Variants in HGFAC observed in about 807,000 individuals in gnomAD.
HGFAC encodes HGF activator.
HGFAC carries 76 observed loss-of-function variants against 70.6 expected under a neutral mutation model. That is an observed-to-expected ratio of 1.08 (90% CI 0.89 to 1.30). The LOEUF (loss-of-function observed/expected upper bound fraction) is 1.30. HGFAC is among the 50% of genes most tolerant of loss of function. HGFAC has a pLI of 0.00. For missense variants in HGFAC, 1,044 were observed against 933.7 expected, an observed-to-expected ratio of 1.12 and a Z score of -1.54; for synonymous variants, 464 against 405.3, an observed-to-expected ratio of 1.14 and a Z score of -1.74.
intron 11 of HGFAC, 127 bp from the exon 12 acceptor site, chr4:3,447,768 C>A: frequency 6.6e-7 from 1 of 1,517,272 alleles, no homozygotes; most frequent in Non-Finnish European, 9.0e-7. Context: ...GACAGGGCAC[C>A]GCTCCCTTCT....
In HGFAC at chr4:3,444,651, G is replaced by C; in HGVS notation, c.759G>C (p.Gly253=). The C allele has an allele frequency of 6.3e-7, 1 of 1,597,784 alleles. No homozygotes were observed. Among genetic ancestry groups the C allele is most frequent in the Non-Finnish European group, 8.5e-7 (1 of 1,178,170 alleles). The part of the protein sequence containing the change: ...TACLSSPCLN[G]GTCHLIVATG... ...GTCTGAGCAGCCCTTGCCTGAACGGGGGCACCTGCCACCTGATCGTGGCCA... is the reference window on the plus strand; with the variant it reads ...GTCTGAGCAGCCCTTGCCTGAACGGCGGCACCTGCCACCTGATCGTGGCCA... Residue 253 remains glycine, a synonymous_variant, in exon 7 of 14, where the codon GGG becomes GGC. Transcript: ENST00000382774.
At chr4:3,442,301 G>A (rs2109293362) in intron 1 of HGFAC, among the ~76,000 whole-genome samples, 183 bp downstream of exon 1, 1 of 152,344 alleles carries the variant, frequency 6.6e-6, no homozygotes, top group Non-Finnish European at 1.5e-5. Context: ...TGGCCTTGGA[G>A]GCTGGGGCCT....
intron 10 of HGFAC, 93 bp downstream of exon 10, chr4:3,446,387 A>C: frequency 2.1e-6 from 3 of 1,448,934 alleles, no homozygotes; most frequent in South Asian, 1.4e-5. Context: ...TGCGGACCCC[A>C]TCCCGGTGCC....
chr4:3,447,684 C>A, intron 11 of HGFAC, 53 bp downstream of exon 11: 3 of 1,603,736 alleles, frequency 1.9e-6, no homozygotes, highest in South Asian at 1.1e-5. Context: ...CCTGTGCTCC[C>A]CAGGCCAGGC....
Position 3,446,087 on chromosome 4 carries a change from T to C in HGFAC, c.1148T>C (p.Leu383Pro). Residue 383 changes from leucine to proline, a missense_variant, in exon 10 of 14, where the codon CTG (leucine) becomes CCG (proline). Coordinates refer to ENST00000382774, the MANE Select transcript of HGFAC (RefSeq NM_001528.4). The stretch of plus-strand genomic sequence containing the variant: ...CTGTCACCGGATCTCCTGGCGACCC[T>C]GCCTGAGCCAGCCTCCCCGGGGCGC... The part of the protein sequence containing the change: ...VQLSPDLLAT[L>P]PEPASPGRQA... 1 of 1,609,840 alleles carries C rather than the reference T, an allele frequency of 6.2e-7. No individual in the cohort carries two copies. Among genetic ancestry groups the C allele is most frequent in the Non-Finnish European group, 8.5e-7 (1 of 1,178,730 alleles).
Position 3,447,545 on chromosome 4 carries a change from C to T in HGFAC, c.1409C>T (p.Thr470Met), listed in dbSNP as rs202105180. ...CTGGGCCAGCACTTCTTCAACCGCA[C>T]GACGGACGTGACGCAGACCTTCGGC... ...VVLGQHFFNR[T>M]TDVTQTFGIE... The change falls in exon 11 of 14, where the codon ACG becomes ATG. Residue 470 changes from threonine (T) to methionine (M), a missense_variant. Coordinates refer to ENST00000382774, the MANE Select transcript of HGFAC (RefSeq NM_001528.4). The T allele has an allele frequency of 2.1e-5, 34 of 1,612,556 alleles. No homozygotes were observed. Among genetic ancestry groups the T allele is most frequent in the Admixed American group, 6.7e-5 (4 of 59,998 alleles).
At chr4:3,445,060 C>A in intron 8 of HGFAC, 67 bp downstream of exon 8, 1 of 1,458,480 alleles carries the variant, frequency 6.9e-7, no homozygotes. Context: ...GGAGAGGCCC[C>A]CCGGCTCCCT....
At position 3,447,566 on chromosome 4, in the gene HGFAC, T is replaced by C. The variant is rs1420493177; in HGVS notation, c.1430T>C (p.Phe477Ser). Reference sequence around the variant, plus strand: ...CGCACGACGGACGTGACGCAGACCTTCGGCATCGAGAAGTACATCCCGTAC... The same window carrying C: ...CGCACGACGGACGTGACGCAGACCTCCGGCATCGAGAAGTACATCCCGTAC... The part of the protein sequence containing the change: ...FNRTTDVTQT[F>S]GIEKYIPYTL... The change falls in exon 11 of 14, where the codon TTC becomes TCC. Residue 477 changes from phenylalanine to serine, a missense_variant. Coordinates refer to ENST00000382774, the MANE Select transcript of HGFAC (RefSeq NM_001528.4). 1 of 1,612,652 alleles carries C rather than the reference T, an allele frequency of 6.2e-7. No homozygotes were observed. The highest frequency in any genetic ancestry group is 2.2e-5 in the East Asian group (1 of 44,874).
Position 3,446,725 on chromosome 4 carries a change from G to C in HGFAC, c.1355+431G>C, listed in dbSNP as rs536727031. Among the ~76,000 whole-genome samples the C allele has an allele frequency of 1.7e-3, 264 of 152,278 alleles. 2 individuals are homozygous for C. The highest frequency in any genetic ancestry group is 1.7e-3 in the Non-Finnish European group (115 of 67,996). ...GCCCACTCAGCCGGCTCCCCTCAGT[G>C]GGGGCGCACAGCCACCCAGGCCCAC... On this transcript the variant is annotated intron_variant, in intron 10 of 13. Coordinates refer to ENST00000382774, the MANE Select transcript of HGFAC (RefSeq NM_001528.4).
intron 9 of HGFAC, 141 bp from the exon 10 acceptor site, chr4:3,445,901 G>C: frequency 2.6e-6 from 4 of 1,549,404 alleles, no homozygotes; most frequent in Non-Finnish European, 3.5e-6. Flanking sequence ...GCAGAGGTGA[G>C]TGGGCGCCAG....
In HGFAC at chr4:3,442,022, C is replaced by A. The variant is rs757513284; in HGVS notation, c.21C>A (p.Val7=). Residue 7 remains valine (V), a synonymous_variant, in exon 1 of 14, where the codon GTC becomes GTA. Transcript: ENST00000382774. Reference sequence around the variant, plus strand: ...GAGCCATGGGGCGCTGGGCCTGGGTCCCCAGCCCCTGGCCCCCACCGGGGC... The same window carrying A: ...GAGCCATGGGGCGCTGGGCCTGGGTACCCAGCCCCTGGCCCCCACCGGGGC... MGRWAW[V]PSPWPPPGLG... is the part of the protein sequence containing the mutation. The A allele has an allele frequency of 2.0e-6, 3 of 1,512,466 alleles. No individual in the cohort carries two copies. The highest frequency in any genetic ancestry group is 1.9e-4 in the Middle Eastern group (1 of 5,290). The allele number at this position is 1,512,466 out of a possible 1,614,324, so 93.7% of individuals were successfully genotyped here.
chr4:3,445,718 G>A (rs1202832850), intron 9 of HGFAC: 5 of 724,436 alleles, frequency 6.9e-6, no homozygotes, highest in Admixed American at 2.7e-5. Flanking sequence ...CTAGGACCCC[G>A]GCGGGGCCAG....
At chr4:3,444,184 G>C (rs375515577) in intron 5 of HGFAC, 23 bp downstream of exon 5, 8 of 1,580,170 alleles carry the variant, frequency 5.1e-6, no homozygotes, top group South Asian at 1.2e-5. Context: ...TCGGAGGTCC[G>C]CAGGGGTCCA....
chr4:3,443,089 G>T lies in HGFAC; in HGVS notation c.338G>T (p.Arg113Leu), dbSNP rs368174451. 3.1e-6 allele frequency: 5 copies of T among 1,598,566 alleles called. No individual in the cohort carries two copies. The highest frequency in any genetic ancestry group is 4.5e-5 in the East Asian group (2 of 44,764). Residue 113 changes from arginine (R) to leucine (L), a missense_variant, in exon 3 of 14, where the codon CGC (arginine) becomes CTC (leucine). Coordinates refer to ENST00000382774, the MANE Select transcript of HGFAC (RefSeq NM_001528.4). ...EDGRPCRFPF[R>L]YGGRMLHACT... ...GGGAGGCCCTGCAGGTTCCCCTTCC[G>T]CTACGGGGGCCGCATGCTGCATGCC...
chr4:3,443,578 G>A (rs942063110), intron 4 of HGFAC, among the ~76,000 whole-genome samples, 158 bp downstream of exon 4: 1 of 152,160 alleles, frequency 6.6e-6, no homozygotes, highest in Non-Finnish European at 1.5e-5. Flanking sequence ...CTTAGGGCCA[G>A]AGCCTCTCCC....
intron 3 of HGFAC, 79 bp downstream of exon 3, chr4:3,443,225 G>A: frequency 7.5e-7 from 1 of 1,327,460 alleles, no homozygotes; most frequent in Non-Finnish European, 1.0e-6. Context: ...CGGGCACACA[G>A]TAGGCGCTCA....
At chr4:3,447,866 A>C in intron 11 of HGFAC, 29 bp from the exon 12 acceptor site, 1 of 1,603,306 alleles carries the variant, frequency 6.2e-7, no homozygotes, top group Non-Finnish European at 8.5e-7. Flanking sequence ...CGCACACCAC[A>C]GGCTGACCCT....
At position 3,444,829 on chromosome 4, in the gene HGFAC, G is replaced by C. The variant is rs1725442651; in HGVS notation, c.852G>C (p.Glu284Asp). 1 of 1,597,484 alleles carries C rather than the reference G, an allele frequency of 6.3e-7. No homozygotes were observed. Among genetic ancestry groups the C allele is most frequent in the Non-Finnish European group, 8.5e-7 (1 of 1,172,060 alleles). ...AGRLCNIEPD[E>D]RCFLGNGTGY... Reference sequence around the variant, plus strand: ...CCCCTCTGCCCGCAGAGCCTGATGAGCGCTGCTTCTTGGGGAACGGCACTG... The same window carrying C: ...CCCCTCTGCCCGCAGAGCCTGATGACCGCTGCTTCTTGGGGAACGGCACTG... Residue 284 changes from glutamate (E) to aspartate (D), a missense_variant, in exon 8 of 14, where the codon GAG becomes GAC. Coordinates refer to ENST00000382774, the MANE Select transcript of HGFAC (RefSeq NM_001528.4).
rs988084520 is a variant in HGFAC at position 3,447,613 on chromosome 4, C to T, written c.1477C>T (p.Pro493Ser). Residue 493 changes from proline to serine, a missense_variant, in exon 11 of 14, where the codon CCC becomes TCC. Coordinates refer to ENST00000382774, the MANE Select transcript of HGFAC (RefSeq NM_001528.4). ...GTACACCCTGTACTCGGTGTTCAACCCCAGCGACCACGACCTCGGTGAGCT... is the reference window on the plus strand; with the variant it reads ...GTACACCCTGTACTCGGTGTTCAACTCCAGCGACCACGACCTCGGTGAGCT... Reference protein sequence around the residue: ...IPYTLYSVFNPSDHDLVLIRL... With the variant: ...IPYTLYSVFNSSDHDLVLIRL... 3 of 1,612,552 alleles carry T rather than the reference C, an allele frequency of 1.9e-6. No individual in the cohort carries two copies. The highest frequency in any genetic ancestry group is 1.7e-5 in the Admixed American group (1 of 59,994).
Sources: gnomAD v4.1 joint callset for allele counts (sites outside exome capture counted in the v4.1 genomes callset) on GRCh38, gnomAD v4.1.1 for gene constraint, MANE v1.5 for transcripts, NCBI Gene and HGNC (gene_info 2026-07-23, HGNC 2026-07-21) for gene names.